TDRD5: variants seen among roughly 807,000 people sequenced by gnomAD.
The protein encoded by TDRD5 is tudor domain containing 5, also known as tudor domain-containing protein 5.
A neutral mutation model predicts 120.6 loss-of-function variants in TDRD5; 41 were observed. The observed-to-expected ratio is 0.34, with a 90% CI of 0.26 to 0.44. The LOEUF (loss-of-function observed/expected upper bound fraction) is 0.44, where lower values mean the gene tolerates loss of function less well. Ranked by LOEUF, TDRD5 falls within the 20% of genes least tolerant of loss-of-function variation. The pLI, the probability that TDRD5 is intolerant of heterozygous loss-of-function variation, is 1.00. For synonymous variants in TDRD5, 430 were observed against 433.7 expected (o/e 0.99, Z 0.11); for missense variants, 1,006 against 1,221.2 (o/e 0.82, Z 2.63).
chr1:179,682,776 A>G (rs551877628), intron 17 of TDRD5, among the ~76,000 whole-genome samples: 1 of 151,442 alleles, frequency 6.6e-6, no homozygotes, highest in East Asian at 2.0e-4. Flanking sequence ...TCTGCTATTT[A>G]GGCAATACCT....
chr1:179,687,346 A>T (rs7545338), intron 17 of TDRD5, among the ~76,000 whole-genome samples: 50,363 of 151,802 alleles, frequency 0.33, 8,510 homozygotes, highest in Admixed American at 0.41. Flanking sequence ...CATGTAGTTG[A>T]GCGGTTTTGA....
intron 17 of TDRD5, among the ~76,000 whole-genome samples, chr1:179,671,675 C>T (rs1001337797): frequency 2.0e-5 from 3 of 151,982 alleles, no homozygotes; most frequent in Non-Finnish European, 4.4e-5. Context: ...TCTGAGATTT[C>T]GGTGCACTCA....
At chr1:179,602,312 T>C (rs1215299223) in intron 4 of TDRD5, among the ~76,000 whole-genome samples, 18 of 152,188 alleles carry the variant, frequency 1.2e-4, no homozygotes, top group Admixed American at 1.2e-3. Context: ...ATTAGTGATG[T>C]TGAGCATTTC....
chr1:179,687,619 ATCTG>A (rs1680799622), intron 17 of TDRD5, among the ~76,000 whole-genome samples: 1 of 152,134 alleles, frequency 6.6e-6, no homozygotes. Context: ...TGTCTCATTG[ATCTG>A]TCTAATGTTG....
chr1:179,624,362 A>C (rs980845320), intron 6 of TDRD5, among the ~76,000 whole-genome samples: 4 of 152,190 alleles, frequency 2.6e-5, no homozygotes, highest in African/African-American at 7.2e-5. Flanking sequence ...TCCCCCTTAA[A>C]ATCTGGAACA....
chr1:179,654,138 C>T (rs1678866230), intron 13 of TDRD5, 63 bp from the exon 14 acceptor site: 2 of 1,344,748 alleles, frequency 1.5e-6, no homozygotes, highest in African/African-American at 1.5e-5. Context: ...AATGTATAGG[C>T]ATGTAGATTT....
At chr1:179,648,541 A>G (rs1026247687) in intron 11 of TDRD5, among the ~76,000 whole-genome samples, 15 of 149,562 alleles carry the variant, frequency 1.0e-4, no homozygotes, top group African/African-American at 3.4e-4. Context: ...ACATGTATAC[A>G]TATGTAACTA....
In TDRD5 at chr1:179,612,928, T is replaced by G. The variant is rs1387515229; in HGVS notation, c.832-5671T>G. 2.9e-5 allele frequency among the ~76,000 whole-genome samples: 4 copies of G among 137,824 alleles called. No individual in the cohort carries two copies. The East Asian group carries it at 8.4e-4, about 29-fold the overall frequency. 90.4% of individuals were successfully genotyped at this position (137,824 alleles called of 152,430 possible). A position where few individuals can be genotyped will look rare whatever the true frequency, so the allele number is the denominator to read the frequency against. On this transcript the variant is annotated intron_variant, in intron 4 of 17. Transcript: ENST00000444136. ...TGCAGCCTGGGTGACAGAGTGAGACTTTGTCTCAAAAAAAAAAAAAAAAAA... is the reference window on the plus strand; with the variant it reads ...TGCAGCCTGGGTGACAGAGTGAGACGTTGTCTCAAAAAAAAAAAAAAAAAA...
rs35873475 is a variant in TDRD5, at chr1:179,668,741, C to CTTT, written c.2650-436_2650-434dup. Among the ~76,000 whole-genome samples the CTTT allele has an allele frequency of 2.4e-3, 260 of 110,308 alleles. 1 individual carries two copies. Among genetic ancestry groups the CTTT allele is most frequent in the Admixed American group, 5.1e-3 (49 of 9,646 alleles). The allele number at this position is 110,308 out of a possible 152,430, so 72.4% of individuals were successfully genotyped here. On this transcript the variant is annotated intron_variant, in intron 16 of 17. Transcript: ENST00000444136. ...GCTTTTTCTAGAGAGTATCTAGGTT[C>CTTT]TTTTTTTTTTTTTTTTTTTGTGATG...
chr1:179,650,754 A>C, intron 11 of TDRD5, 113 bp from the exon 12 acceptor site: 1 of 1,056,714 alleles, frequency 9.5e-7, no homozygotes, highest in South Asian at 1.5e-5. Flanking sequence ...TAGTACTTTT[A>C]TGGTTTTATT....
chr1:179,665,306 A>G (rs911985810), intron 16 of TDRD5, among the ~76,000 whole-genome samples: 3 of 152,142 alleles, frequency 2.0e-5, no homozygotes, highest in Admixed American at 6.5e-5. Context: ...GTCTCCCCTA[A>G]TAAGCCATTG....
At position 179,605,140 on chromosome 1, in the gene TDRD5, C is replaced by T. The variant is rs55842086; in HGVS notation, c.831+9322C>T. 4.6e-3 allele frequency among the ~76,000 whole-genome samples: 699 copies of T among 152,254 alleles called. 4 individuals are homozygous for T. The highest frequency in any genetic ancestry group is 0.015 in the African/African-American group (639 of 41,546). On this transcript the variant is annotated intron_variant, in intron 4 of 17. Transcript: ENST00000444136. ...CATTATATAATGTCCCTCTTTGTCT[C>T]TTTTAACTGCTGTTGCTTTAAAGTT...
At chr1:179,620,273 A>AAT (rs1676773641) in intron 5 of TDRD5, among the ~76,000 whole-genome samples, 1 of 152,148 alleles carries the variant, frequency 6.6e-6, no homozygotes, top group Non-Finnish European at 1.5e-5. Flanking sequence ...TTTTGTATAA[A>AAT]ATATATCTGG....
chr1:179,632,752 A>G (rs1313159402), intron 7 of TDRD5, among the ~76,000 whole-genome samples: 4 of 152,170 alleles, frequency 2.6e-5, no homozygotes, highest in Non-Finnish European at 4.4e-5. Context: ...TTTTTCCTAC[A>G]CAAAACAGTA....
At chr1:179,643,618 T>C (rs893792192) in intron 11 of TDRD5, among the ~76,000 whole-genome samples, 6 of 52,096 alleles carry the variant, frequency 1.2e-4, no homozygotes, top group Admixed American at 2.9e-4. Context: ...CTATGAACTT[T>C]AAAAACAGAT....
chr1:179,613,431 T>C (rs1676389876), intron 4 of TDRD5, among the ~76,000 whole-genome samples: 1 of 152,170 alleles, frequency 6.6e-6, no homozygotes, highest in South Asian at 2.1e-4. Context: ...GTCAAATAAG[T>C]CAGACCCTAC....
At chr1:179,639,625 AGT>A (rs1677935579) in intron 9 of TDRD5, among the ~76,000 whole-genome samples, 1 of 152,182 alleles carries the variant, frequency 6.6e-6, no homozygotes, top group Non-Finnish European at 1.5e-5. Context: ...TCAGAAAATG[AGT>A]GTGTGTTTCT....
intron 6 of TDRD5, among the ~76,000 whole-genome samples, chr1:179,628,554 G>C (rs1335932054): frequency 1.3e-5 from 2 of 151,182 alleles, no homozygotes; most frequent in African/African-American, 4.9e-5. Context: ...AGTCCCTCCT[G>C]CCTCAGCCTC....
chr1:179,595,348 C>A (rs1445482229), intron 3 of TDRD5, among the ~76,000 whole-genome samples: 2 of 151,980 alleles, frequency 1.3e-5, no homozygotes, highest in Non-Finnish European at 2.9e-5. Flanking sequence ...ATATTGAATC[C>A]CACCTCTCTA....
Sources: gnomAD v4.1 joint callset for allele counts (sites outside exome capture counted in the v4.1 genomes callset) on GRCh38, gnomAD v4.1.1 for gene constraint, MANE v1.5 for transcripts, NCBI Gene and HGNC (gene_info 2026-07-23, HGNC 2026-07-21) for gene names.